Variants in PRKCZ observed in about 807,000 individuals in gnomAD.
PRKCZ encodes the protein protein kinase C zeta.
Under a neutral mutation model 79.5 loss-of-function variants are expected in PRKCZ, and 33 were observed. The observed-to-expected ratio is 0.41, with a 90% CI of 0.31 to 0.55. The LOEUF (loss-of-function observed/expected upper bound fraction) is 0.55, where lower values mean the gene tolerates loss of function less well. Ranked by LOEUF, PRKCZ falls within the 20% of genes least tolerant of loss-of-function variation. The pLI, the probability that PRKCZ is intolerant of heterozygous loss-of-function variation, is 0.19. For synonymous variants in PRKCZ, 342 were observed against 320.9 expected, an observed-to-expected ratio of 1.07 and a Z score of -0.70; for missense variants, 578 against 813.5, an observed-to-expected ratio of 0.71 and a Z score of 3.52.
rs1659535696 is a variant in PRKCZ at position 2,050,473 on chromosome 1, C to G, written c.-158C>G. On this transcript the variant is annotated 5_prime_UTR_variant, in exon 1 of 18. Coordinates refer to ENST00000378567, the MANE Select transcript of PRKCZ (RefSeq NM_002744.6). ...GCCCCGCGCGCCCCCCGCTCCCGCC[C>G]CGCGCGCCGCCGGAGTTCCGCGGAG... 1 of 286,818 alleles carries G rather than the reference C, an allele frequency of 3.5e-6. No individual in the cohort carries two copies. Among genetic ancestry groups the G allele is most frequent in the African/African-American group, 2.3e-5 (1 of 44,048 alleles). 17.8% of individuals were successfully genotyped at this position (286,818 alleles called of 1,614,324 possible). A position where few individuals can be genotyped will look rare whatever the true frequency, so the allele number is the denominator to read the frequency against.
chr1:2,183,096 TGGC>T (rs1686946229), intron 16 of PRKCZ, among the ~76,000 whole-genome samples: 1 of 152,138 alleles, frequency 6.6e-6, no homozygotes, highest in Admixed American at 6.5e-5. Context: ...CCAGGCGTGG[TGGC>T]GGGCGCCTGT....
chr1:2,153,104 C>T (rs1680229983), intron 9 of PRKCZ, among the ~76,000 whole-genome samples: 2 of 152,254 alleles, frequency 1.3e-5, no homozygotes, highest in South Asian at 4.1e-4. Flanking sequence ...CCCGCCAACA[C>T]CACACGGGCC....
At chr1:2,181,745 C>A in intron 16 of PRKCZ, 1 of 451,280 alleles carries the variant, frequency 2.2e-6, no homozygotes, top group East Asian at 7.0e-5. Flanking sequence ...CCCACCCCTG[C>A]TGCTTATTAA....
Position 2,050,525 on chromosome 1 carries a change from G to A in PRKCZ, c.-106G>A, listed in dbSNP as rs371160321. On this transcript the variant is annotated 5_prime_UTR_variant, in exon 1 of 18. Coordinates refer to ENST00000378567, the MANE Select transcript of PRKCZ (RefSeq NM_002744.6). ...TGACCGGGTCGGCGCCGTCGGTCCT[G>A]AGCGCTGCCTTCCGCGTTCCGCCGC... 2.9e-6 allele frequency: 2 copies of A among 695,158 alleles called. No individual in the cohort carries two copies. Among genetic ancestry groups the A allele is most frequent in the East Asian group, 4.1e-5 (1 of 24,654 alleles). 43.1% of individuals were successfully genotyped at this position (695,158 alleles called of 1,614,324 possible).
chr1:2,118,419 G>T (rs1571528099), intron 4 of PRKCZ, among the ~76,000 whole-genome samples: 1 of 149,312 alleles, frequency 6.7e-6, no homozygotes, highest in Non-Finnish European at 1.5e-5. Flanking sequence ...CTCACTGCAA[G>T]CTCTGCCTCC....
chr1:2,090,221 C>T (rs1034681911), intron 4 of PRKCZ, among the ~76,000 whole-genome samples: 11 of 152,202 alleles, frequency 7.2e-5, no homozygotes, highest in Non-Finnish European at 1.2e-4. Flanking sequence ...GCTTGGATTC[C>T]GAGGGGATTC....
At chr1:2,144,495 C>A (rs111803142) in intron 6 of PRKCZ, 154 bp downstream of exon 6, 2 of 1,446,884 alleles carry the variant, frequency 1.4e-6, no homozygotes, top group East Asian at 2.5e-5. Flanking sequence ...ACTCAGGCGG[C>A]AGTCTTGGAT....
intron 16 of PRKCZ, 75 bp downstream of exon 16, chr1:2,175,388 C>T: frequency 7.8e-7 from 1 of 1,278,084 alleles, no homozygotes; most frequent in South Asian, 1.3e-5. Context: ...CATCCCAACC[C>T]CAACCCCAAT....
intron 6 of PRKCZ, chr1:2,145,388 G>A (rs751120829): frequency 1.2e-4 from 19 of 152,222 alleles, no homozygotes; most frequent in African/African-American, 3.1e-4. Context: ...GTTACTGACA[G>A]GATGCAGCTT....
intron 6 of PRKCZ, chr1:2,145,269 G>A (rs116656192): frequency 1.3e-5 from 2 of 152,334 alleles, no homozygotes; most frequent in East Asian, 1.9e-4. Context: ...AGCTAGAGGC[G>A]GAGGGAGGCC....
At chr1:2,132,588 T>C (rs1675212622) in intron 4 of PRKCZ, among the ~76,000 whole-genome samples, 1 of 152,206 alleles carries the variant, frequency 6.6e-6, no homozygotes, top group Non-Finnish European at 1.5e-5. Flanking sequence ...GGGGCTGAGA[T>C]GCTTGTGTCT....
intron 4 of PRKCZ, among the ~76,000 whole-genome samples, chr1:2,103,842 G>A (rs1667906629): frequency 6.6e-6 from 1 of 152,196 alleles, no homozygotes; most frequent in Non-Finnish European, 1.5e-5. Flanking sequence ...GGTCTCTGGG[G>A]GCTGCACCTG....
intron 1 of PRKCZ, 68 bp from the exon 2 acceptor site, chr1:2,055,373 G>A (rs1176283666): frequency 1.2e-5 from 18 of 1,516,602 alleles, no homozygotes; most frequent in Non-Finnish European, 1.6e-5. Context: ...TGGTTAGTTG[G>A]TAATCATTTT....
Position 2,150,782 on chromosome 1 carries a change from C to T in PRKCZ, c.688-8C>T. 2 of 1,608,618 alleles carry T rather than the reference C, an allele frequency of 1.2e-6. No individual in the cohort carries two copies. The highest frequency in any genetic ancestry group is 1.7e-6 in the Non-Finnish European group (2 of 1,176,428). ...CTCACTTTCTGGGGTCTTGTTCTCCCTCCCTAGGACCTTAAGCCAGTTATC... is the reference window on the plus strand; with the variant it reads ...CTCACTTTCTGGGGTCTTGTTCTCCTTCCCTAGGACCTTAAGCCAGTTATC... On this transcript the variant is annotated splice_polypyrimidine_tract_variant and splice_region_variant and intron_variant, in intron 8 of 17. Coordinates refer to ENST00000378567, the MANE Select transcript of PRKCZ (RefSeq NM_002744.6).
chr1:2,087,726 CT>C (rs1664774286), intron 4 of PRKCZ, among the ~76,000 whole-genome samples: 1 of 152,022 alleles, frequency 6.6e-6, no homozygotes, highest in Admixed American at 6.6e-5. Flanking sequence ...CTGAAGTGAC[CT>C]TTTGGTGGGG....
At chr1:2,064,074 C>T (rs183223438) in intron 4 of PRKCZ, among the ~76,000 whole-genome samples, 4 of 152,064 alleles carry the variant, frequency 2.6e-5, no homozygotes, top group Admixed American at 6.5e-5. Flanking sequence ...CTTGAACTCC[C>T]GACCTCAAGT....
chr1:2,072,713 G>A (rs557247987), intron 4 of PRKCZ, among the ~76,000 whole-genome samples: 55 of 152,224 alleles, frequency 3.6e-4, no homozygotes, highest in African/African-American at 1.2e-3. Context: ...TCTAGGAATC[G>A]GTTGGCCTCT....
chr1:2,164,493 G>A (rs531189383), intron 10 of PRKCZ, among the ~76,000 whole-genome samples: 51 of 152,318 alleles, frequency 3.3e-4, no homozygotes, highest in African/African-American at 1.2e-3. Context: ...GGGGGCAGTT[G>A]CATAGGGTGG....
At chr1:2,102,155 C>T (rs777781900) in intron 4 of PRKCZ, among the ~76,000 whole-genome samples, 11 of 152,126 alleles carry the variant, frequency 7.2e-5, no homozygotes, top group Admixed American at 1.3e-4. Flanking sequence ...CATGCCAGAG[C>T]GGGTAGGCAG....
Sources: allele counts gnomAD v4.1 joint callset (sites outside exome capture counted in the v4.1 genomes callset), GRCh38; gene constraint gnomAD v4.1.1; transcripts MANE v1.5; gene names NCBI Gene and HGNC (gene_info 2026-07-23, HGNC 2026-07-21).